The following PHACTR1 variants were observed in gnomAD, a reference collection of about 807,000 sequenced individuals.
PHACTR1 encodes the protein phosphatase and actin regulator 1, also known as RPEL repeat containing 1.
In PHACTR1, 16 loss-of-function variants were observed where a neutral mutation model predicts 69.2. The observed-to-expected ratio is 0.23, with a 90% CI of 0.16 to 0.35. PHACTR1 has a LOEUF of 0.35. Among genes scored for constraint, PHACTR1 ranks in the 10% least tolerant of loss-of-function variants. PHACTR1 has a pLI of 1.00. For missense variants in PHACTR1, 510 were observed against 734.7 expected (o/e 0.69, Z 3.54); for synonymous variants, 312 against 284.5 (o/e 1.10, Z -0.97).
chr6:13,143,532 G>A (rs185357320), intron 5 of PHACTR1, among the ~76,000 whole-genome samples: 17 of 152,254 alleles, frequency 1.1e-4, no homozygotes, highest in Admixed American at 3.9e-4. Context: ...AGTAGTTCTG[G>A]GCTGGGGCCT....
intron 3 of PHACTR1, among the ~76,000 whole-genome samples, chr6:12,722,928 G>A (rs1440444289): frequency 6.6e-6 from 1 of 152,172 alleles, no homozygotes; most frequent in African/African-American, 2.4e-5. Context: ...GATACACATG[G>A]CTTCAAATAT....
chr6:13,120,750 C>T (rs1166337348), intron 5 of PHACTR1, among the ~76,000 whole-genome samples: 1 of 152,210 alleles, frequency 6.6e-6, no homozygotes, highest in Non-Finnish European at 1.5e-5. Context: ...AAACAGGGGG[C>T]ATGGGGAAAG....
intron 4 of PHACTR1, among the ~76,000 whole-genome samples, chr6:12,798,581 C>T (rs573584488): frequency 2.0e-4 from 31 of 152,200 alleles, no homozygotes; most frequent in Admixed American, 1.0e-3. Context: ...AGTCAGTGCC[C>T]GGGTGATGCC....
intron 3 of PHACTR1, among the ~76,000 whole-genome samples, chr6:12,721,696 T>C (rs1762154926): frequency 6.6e-6 from 1 of 152,194 alleles, no homozygotes; most frequent in Non-Finnish European, 1.5e-5. Context: ...CTTTCTCAAG[T>C]TCTGCTTTTA....
intron 4 of PHACTR1, among the ~76,000 whole-genome samples, chr6:12,797,893 A>G (rs1293622093): frequency 6.6e-6 from 1 of 152,154 alleles, no homozygotes; most frequent in African/African-American, 2.4e-5. Flanking sequence ...CAAAGAGGCC[A>G]TTTCAAACCA....
At chr6:12,774,465 C>T (rs1045784059) in intron 4 of PHACTR1, among the ~76,000 whole-genome samples, 1 of 152,108 alleles carries the variant, frequency 6.6e-6, no homozygotes. Context: ...AATCTTGGCT[C>T]ACTGCACCCC....
intron 6 of PHACTR1, among the ~76,000 whole-genome samples, chr6:13,181,691 G>A (rs1308448305): frequency 6.6e-6 from 1 of 152,172 alleles, no homozygotes; most frequent in Non-Finnish European, 1.5e-5. Flanking sequence ...GCATCGCTGA[G>A]TGGCTGCAGC....
chr6:13,250,532 G>A (rs1428289383), intron 10 of PHACTR1, among the ~76,000 whole-genome samples: 8 of 152,192 alleles, frequency 5.3e-5, no homozygotes, highest in Non-Finnish European at 8.8e-5. Context: ...CTCAGCTGCC[G>A]GCCAGATAAG....
intron 4 of PHACTR1, among the ~76,000 whole-genome samples, chr6:12,797,040 T>TGTGTGTGAGAGAGAGA (rs563796658): frequency 1.5e-5 from 2 of 133,320 alleles, no homozygotes; most frequent in African/African-American, 5.6e-5. Context: ...TGTGTGTGTG[T>TGTGTGTGAGAGAGAGA]GAGAGAGAGA....
At chr6:13,002,707 T>G (rs925614893) in intron 4 of PHACTR1, among the ~76,000 whole-genome samples, 4 of 152,232 alleles carry the variant, frequency 2.6e-5, no homozygotes, top group African/African-American at 9.6e-5. Context: ...GTGTATAAAG[T>G]GTTCTAAACA....
chr6:12,777,239 A>ATTT (rs1330145058), intron 4 of PHACTR1, among the ~76,000 whole-genome samples: 5 of 107,512 alleles, frequency 4.7e-5, no homozygotes, highest in African/African-American at 2.5e-4. Flanking sequence ...ATATATATAT[A>ATTT]TATTTTTTTA....
In PHACTR1 at chr6:13,225,239, T is replaced by G. The variant is rs184395404; in HGVS notation, c.987-2577T>G. 2.9e-3 allele frequency among the ~76,000 whole-genome samples: 443 copies of G among 152,340 alleles called. 3 individuals are homozygous for G. The highest frequency in any genetic ancestry group is 1.0e-2 in the African/African-American group (415 of 41,584). On this transcript the variant is annotated intron_variant, in intron 8 of 14. Transcript: ENST00000332995. ...ATAGAATGTTTTACAATTCTTTTGGTGGATTCACCTAGCTTCATGGAAAAC... is the reference window on the plus strand; with the variant it reads ...ATAGAATGTTTTACAATTCTTTTGGGGGATTCACCTAGCTTCATGGAAAAC...
chr6:12,884,577 AT>A (rs1445930933), intron 4 of PHACTR1, among the ~76,000 whole-genome samples: 3 of 151,732 alleles, frequency 2.0e-5, no homozygotes, highest in Non-Finnish European at 2.9e-5. Context: ...ATTTTTTTGT[AT>A]TTTTAGTAGA....
At chr6:12,720,298 G>A (rs895967442) in intron 3 of PHACTR1, among the ~76,000 whole-genome samples, 1 of 152,224 alleles carries the variant, frequency 6.6e-6, no homozygotes, top group East Asian at 1.9e-4. Context: ...CCGCTGAACC[G>A]CATAGCTGTT....
At chr6:13,218,859 AAGAGAAGAGAAGAGAAGAGAAGAG>A (rs1562013512) in intron 8 of PHACTR1, among the ~76,000 whole-genome samples, 2 of 4,330 alleles carry the variant, frequency 4.6e-4, no homozygotes, top group African/African-American at 6.2e-4. Flanking sequence ...GAGGAAAGAG[AAGAGAAGAGAAGAGAAGAGAAGAG>A]AAGAGAAGAG....
At chr6:13,065,351 G>T (rs576809012) in intron 5 of PHACTR1, among the ~76,000 whole-genome samples, 2 of 152,140 alleles carry the variant, frequency 1.3e-5, no homozygotes, top group East Asian at 3.9e-4. Context: ...TGGCCCACTG[G>T]AGTTTGGAGG....
At chr6:13,182,148 G>C (rs530546006) in intron 6 of PHACTR1, among the ~76,000 whole-genome samples, 4 of 152,096 alleles carry the variant, frequency 2.6e-5, no homozygotes, top group African/African-American at 4.8e-5. Flanking sequence ...CAGGAGAATC[G>C]CTTGAACCCG....
chr6:13,150,642 T>C (rs1309029918), intron 5 of PHACTR1, among the ~76,000 whole-genome samples: 3 of 152,202 alleles, frequency 2.0e-5, no homozygotes, highest in Non-Finnish European at 4.4e-5. Context: ...ATTTTCAACA[T>C]ATCATTAGAT....
chr6:13,209,341 AGAAAGAATCATTTCT>A (rs2113897983), intron 8 of PHACTR1, among the ~76,000 whole-genome samples: 1 of 152,336 alleles, frequency 6.6e-6, no homozygotes, highest in South Asian at 2.1e-4. Flanking sequence ...TTATACAGAA[AGAAAGAATCATTTCT>A]CTATCCTCCT....
Sources: allele counts gnomAD v4.1 joint callset (sites outside exome capture counted in the v4.1 genomes callset), GRCh38; gene constraint gnomAD v4.1.1; transcripts MANE v1.5; gene names NCBI Gene and HGNC (gene_info 2026-07-23, HGNC 2026-07-21).